The following ENOX1 variants were observed in gnomAD, a reference collection of about 807,000 sequenced individuals.
The protein encoded by ENOX1 is ecto-NOX disulfide-thiol exchanger 1.
A neutral mutation model predicts 82.5 loss-of-function variants in ENOX1; 42 were observed. The observed-to-expected ratio is 0.51, with a 90% CI of 0.40 to 0.66. The LOEUF (loss-of-function observed/expected upper bound fraction) is 0.66, where lower values mean the gene tolerates loss of function less well. Among genes scored for constraint, ENOX1 ranks in the 30% least tolerant of loss-of-function variants. The pLI, the probability that ENOX1 is intolerant of heterozygous loss-of-function variation, is 0.00. For synonymous variants in ENOX1, 271 were observed against 282.2 expected (o/e 0.96, Z 0.40); for missense variants, 608 against 811.6 (o/e 0.75, Z 3.05).
chr13:43,661,986 A>T (rs904548664), intron 2 of ENOX1, among the ~76,000 whole-genome samples: 1 of 91,052 alleles, frequency 1.1e-5, no homozygotes, highest in Non-Finnish European at 2.4e-5. Context: ...TGCAAGAACA[A>T]CAGATTGATT....
In ENOX1 at chr13:43,619,052, T is replaced by C. The variant is rs542156593; in HGVS notation, c.-219+48427A>G. Reference sequence around the variant, plus strand: ...GATTTGATTTTCTAGCCACTGTTGGTGTATGGAAGAACTACTGATTTGTGT... The same window carrying C: ...GATTTGATTTTCTAGCCACTGTTGGCGTATGGAAGAACTACTGATTTGTGT... On this transcript the variant is annotated intron_variant, in intron 2 of 16. Coordinates refer to ENST00000690772, the MANE Select transcript of ENOX1 (RefSeq NM_001347969.2). Among the ~76,000 whole-genome samples the C allele has an allele frequency of 8.7e-5, 13 of 150,154 alleles. No individual in the cohort carries two copies. The South Asian group carries it at 2.7e-3, about 32-fold the overall frequency.
rs1361763563 is a variant in ENOX1, at chr13:43,644,393, T to C, written c.-219+23086A>G. 2.6e-5 allele frequency among the ~76,000 whole-genome samples: 4 copies of C among 152,212 alleles called. No homozygotes were observed. In the East Asian group the frequency reaches 7.7e-4, roughly 29 times the overall value. On this transcript the variant is annotated intron_variant, in intron 2 of 16. Coordinates refer to ENST00000690772, the MANE Select transcript of ENOX1 (RefSeq NM_001347969.2). ...TATAAGTTGAAGCAGATTCTTGACT[T>C]TCCCATTAGCATCTAACAATTTATG... is the stretch of plus-strand genomic sequence containing the variant.
At chr13:43,560,138 C>A (rs1372092320) in intron 2 of ENOX1, among the ~76,000 whole-genome samples, 1 of 152,092 alleles carries the variant, frequency 6.6e-6, no homozygotes, top group Non-Finnish European at 1.5e-5. Flanking sequence ...GTGCTCATAC[C>A]ATATATAATA....
intron 3 of ENOX1, among the ~76,000 whole-genome samples, chr13:43,469,553 TAATA>T (rs2057894892): frequency 6.6e-6 from 1 of 151,856 alleles, no homozygotes; most frequent in Non-Finnish European, 1.5e-5. Flanking sequence ...AAATTCTGAG[TAATA>T]AATATAATAG....
intron 1 of ENOX1, among the ~76,000 whole-genome samples, chr13:43,718,880 TA>T (rs978514713): frequency 2.0e-5 from 3 of 152,090 alleles, no homozygotes; most frequent in African/African-American, 7.2e-5. Flanking sequence ...TTTATAGTTT[TA>T]AAAAAGAATG....
chr13:43,372,106 A>T (rs1272042689), intron 5 of ENOX1, among the ~76,000 whole-genome samples: 2 of 152,228 alleles, frequency 1.3e-5, no homozygotes, highest in Non-Finnish European at 2.9e-5. Flanking sequence ...AAGACAAAGT[A>T]GTATTTGGTT....
chr13:43,625,793 GA>G (rs1229922143), intron 2 of ENOX1, among the ~76,000 whole-genome samples: 1 of 151,836 alleles, frequency 6.6e-6, no homozygotes, highest in East Asian at 1.9e-4. Flanking sequence ...GATACTGGTA[GA>G]CAGTTTTCTT....
intron 1 of ENOX1, among the ~76,000 whole-genome samples, chr13:43,668,545 A>G (rs1485860417): frequency 1.3e-5 from 2 of 152,216 alleles, no homozygotes; most frequent in Non-Finnish European, 2.9e-5. Flanking sequence ...AGCATAGCCA[A>G]ATTTGGAAGT....
At chr13:43,705,330 C>CATATATA (rs2087194617) in intron 1 of ENOX1, among the ~76,000 whole-genome samples, 4 of 129,864 alleles carry the variant, frequency 3.1e-5, no homozygotes, top group African/African-American at 1.2e-4. Context: ...CTCTCTCTCT[C>CATATATA]TATATATATA....
intron 11 of ENOX1, among the ~76,000 whole-genome samples, chr13:43,299,871 G>A (rs185231588): frequency 9.8e-4 from 149 of 152,244 alleles, no homozygotes; most frequent in African/African-American, 3.3e-3. Flanking sequence ...TCCAGCCCCC[G>A]CTCCCCGTGT....
intron 9 of ENOX1, among the ~76,000 whole-genome samples, chr13:43,342,377 A>G (rs2049117481): frequency 2.0e-5 from 3 of 152,184 alleles, no homozygotes; most frequent in African/African-American, 7.2e-5. Context: ...GCAGATATAT[A>G]AAAAGTACAA....
Position 43,213,876 on chromosome 13 carries a change from G to T in ENOX1, c.*114C>A. On this transcript the variant is annotated 3_prime_UTR_variant, in exon 17 of 17. Coordinates refer to ENST00000690772, the MANE Select transcript of ENOX1 (RefSeq NM_001347969.2). ...ACAGATATAACTAAAGGCAGGCTTC[G>T]ATGGCTCCACAAAGGTTGCGTGCTG... is the stretch of plus-strand genomic sequence containing the variant. The T allele has an allele frequency of 8.4e-7, 1 of 1,193,174 alleles. No individual in the cohort carries two copies. The highest frequency in any genetic ancestry group is 1.2e-6 in the Non-Finnish European group (1 of 869,032). The allele number at this position is 1,193,174 out of a possible 1,614,324, so 73.9% of individuals were successfully genotyped here. A position where few individuals can be genotyped will look rare whatever the true frequency, so the allele number is the denominator to read the frequency against.
intron 2 of ENOX1, among the ~76,000 whole-genome samples, chr13:43,514,869 C>G (rs2077501435): frequency 6.6e-6 from 1 of 151,910 alleles, no homozygotes; most frequent in African/African-American, 2.4e-5. Context: ...AAGCAGCTAG[C>G]TGCCAGAGGT....
chr13:43,663,173 A>G (rs1163505923), intron 2 of ENOX1, among the ~76,000 whole-genome samples: 1 of 152,200 alleles, frequency 6.6e-6, no homozygotes, highest in Non-Finnish European at 1.5e-5. Context: ...TCATAAAGGA[A>G]GAGTTTGGCA....
chr13:43,718,676 C>CAAAAAAAAAAAAAAAAAAA (rs61671392), intron 1 of ENOX1, among the ~76,000 whole-genome samples: 1 of 55,586 alleles, frequency 1.8e-5, no homozygotes, highest in African/African-American at 7.9e-5. Flanking sequence ...GACTCCGTCT[C>CAAAAAAAAAAAAAAAAAAA]AAAAAAAAAA....
At chr13:43,300,244 C>T (rs1036861330) in intron 11 of ENOX1, among the ~76,000 whole-genome samples, 2 of 152,124 alleles carry the variant, frequency 1.3e-5, no homozygotes, top group Non-Finnish European at 2.9e-5. Context: ...TACATCTCTT[C>T]TCTCAAAGAG....
chr13:43,644,880 T>C (rs1037466143), intron 2 of ENOX1, among the ~76,000 whole-genome samples: 5 of 152,308 alleles, frequency 3.3e-5, no homozygotes, highest in African/African-American at 4.8e-5. Flanking sequence ...TCAGGTCTTA[T>C]ACCAAGTTTA....
At position 43,316,774 on chromosome 13, in the gene ENOX1, G is replaced by GA. The variant is rs759779624; in HGVS notation, c.1261+5609dup. Reference sequence around the variant, plus strand: ...TTGGGCAAGATTAGCAAGATTAAAAGAAAAAAAAAAAAAGGAAAGAAACAG... The same window carrying GA: ...TTGGGCAAGATTAGCAAGATTAAAAGAAAAAAAAAAAAAAGGAAAGAAACAG... On this transcript the variant is annotated intron_variant, in intron 11 of 16. Coordinates refer to ENST00000690772, the MANE Select transcript of ENOX1 (RefSeq NM_001347969.2). 2.8e-3 allele frequency among the ~76,000 whole-genome samples: 377 copies of GA among 135,078 alleles called. 2 individuals are homozygous for GA. Among genetic ancestry groups the GA allele is most frequent in the South Asian group, 0.014 (59 of 4,256 alleles). 88.6% of individuals were successfully genotyped at this position (135,078 alleles called of 152,430 possible). A position where few individuals can be genotyped will look rare whatever the true frequency, so the allele number is the denominator to read the frequency against.
intron 3 of ENOX1, among the ~76,000 whole-genome samples, chr13:43,418,068 C>T (rs752056555): frequency 5.9e-5 from 9 of 151,926 alleles, no homozygotes; most frequent in Non-Finnish European, 1.2e-4. Context: ...AATTAGCCAG[C>T]AATGGTGGCG....
Sources: allele counts gnomAD v4.1 joint callset (sites outside exome capture counted in the v4.1 genomes callset), GRCh38; gene constraint gnomAD v4.1.1; transcripts MANE v1.5; gene names NCBI Gene and HGNC (gene_info 2026-07-23, HGNC 2026-07-21).